The following ACSM2A variants were observed in gnomAD, a reference collection of about 807,000 sequenced individuals.
ACSM2A encodes acyl-coenzyme A synthetase ACSM2A, mitochondrial.
In ACSM2A, 72 loss-of-function variants were observed where a neutral mutation model predicts 76.6. The observed-to-expected ratio is 0.94, with a 90% CI of 0.78 to 1.14. The LOEUF (loss-of-function observed/expected upper bound fraction) is 1.14. Ranked by LOEUF, ACSM2A falls within the 50% of genes most tolerant of loss-of-function variation. The pLI is 0.00. For missense variants in ACSM2A, 684 were observed against 708.5 expected (o/e 0.97, Z 0.39); for synonymous variants, 249 against 255.9 (o/e 0.97, Z 0.26).
At chr16:20,464,251 C>T (rs543798345) in intron 2 of ACSM2A, among the ~76,000 whole-genome samples, 4 of 152,276 alleles carry the variant, frequency 2.6e-5, no homozygotes, top group Admixed American at 6.5e-5. Context: ...GACCTAGTTC[C>T]AGAGTTAGTT....
intron 12 of ACSM2A, 169 bp from the exon 13 acceptor site, chr16:20,482,889 T>A: frequency 9.0e-7 from 1 of 1,107,096 alleles, no homozygotes; most frequent in Non-Finnish European, 1.3e-6. Flanking sequence ...CAGAGAGAGC[T>A]GTAACCTCAT....
chr16:20,458,912 A>ATATATATATATATATG (rs2012411389), intron 1 of ACSM2A, among the ~76,000 whole-genome samples: 1 of 59,212 alleles, frequency 1.7e-5, no homozygotes, highest in South Asian at 6.8e-4. Flanking sequence ...ATGCATATAT[A>ATATATATATATATATG]TATATATATA....
rs1322174168 is a variant in ACSM2A at position 20,465,617 on chromosome 16, C to A, written c.278C>A (p.Ala93Glu). 6.2e-7 allele frequency: 1 copy of A among 1,613,896 alleles called. No homozygotes were observed. The highest frequency in any genetic ancestry group is 1.3e-5 in the African/African-American group (1 of 74,934). ...FRELSENSQQ[A>E]ANVLSGACGL... ...GAACTGAGTGAAAACAGCCAGCAGG[C>A]AGCCAACGTCCTCTCGGGAGCCTGT... The change falls in exon 3 of 14, where the codon GCA becomes GAA. Residue 93 changes from alanine to glutamate, a missense_variant. This residue lies in a region of ACSM2A where 519 missense variants were observed against 549.5 expected (regional missense o/e 0.94). Transcript: ENST00000573854.
intron 13 of ACSM2A, among the ~76,000 whole-genome samples, chr16:20,486,304 A>C (rs111382476): frequency 7.9e-5 from 12 of 152,378 alleles, no homozygotes; most frequent in African/African-American, 2.9e-4. Context: ...ACTGATGTCA[A>C]GGCTCAGCTG....
chr16:20,485,250 G>A (rs1185796292), intron 13 of ACSM2A, among the ~76,000 whole-genome samples: 2 of 152,128 alleles, frequency 1.3e-5, no homozygotes, highest in Non-Finnish European at 2.9e-5. Flanking sequence ...CTGAGTCAAG[G>A]AGTCCTACCA....
intron 1 of ACSM2A, chr16:20,452,429 C>G (rs1402442414): frequency 1.5e-5 from 2 of 135,258 alleles, no homozygotes; most frequent in Non-Finnish European, 3.1e-5. Context: ...CCTTGCACCT[C>G]AGCCTGCAGA....
rs189437499 is a variant in ACSM2A at position 20,452,794 on chromosome 16, G to A, written c.-9+1113G>A. Among the ~76,000 whole-genome samples, 1,126 of 150,846 alleles carry A rather than the reference G, an allele frequency of 7.5e-3. 14 individuals are homozygous for A. The highest frequency in any genetic ancestry group is 0.027 in the African/African-American group (1,091 of 40,936). On this transcript the variant is annotated intron_variant, in intron 1 of 13. Coordinates refer to ENST00000573854, the MANE Select transcript of ACSM2A (RefSeq NM_001308172.2). ...AATACTAAGGACTCTACTTCTAATA[G>A]TATGGAGAAGACTGATAGCCCTTGG...
intron 12 of ACSM2A, 152 bp from the exon 13 acceptor site, chr16:20,482,906 C>T: frequency 1.6e-6 from 2 of 1,275,442 alleles, no homozygotes; most frequent in Non-Finnish European, 2.1e-6. Context: ...TCATTCATGT[C>T]CCCAGTTTTC....
intron 13 of ACSM2A, among the ~76,000 whole-genome samples, chr16:20,484,752 G>C (rs1270338050): frequency 6.6e-6 from 1 of 152,082 alleles, no homozygotes; most frequent in Non-Finnish European, 1.5e-5. Flanking sequence ...AGGAAGGGAA[G>C]GGGGTCTTTA....
At chr16:20,483,569 C>CTAAAA (rs2014223379) in intron 13 of ACSM2A, among the ~76,000 whole-genome samples, 1 of 32,208 alleles carries the variant, frequency 3.1e-5, no homozygotes, top group Non-Finnish European at 6.0e-5. Context: ...GACTCTGTCT[C>CTAAAA]AAAAAAAAAA....
intron 13 of ACSM2A, among the ~76,000 whole-genome samples, chr16:20,485,924 T>C (rs541880401): frequency 1.4e-4 from 21 of 152,344 alleles, no homozygotes; most frequent in Non-Finnish European, 2.6e-4. Flanking sequence ...TTTGGGAATA[T>C]AAGAGATAGA....
chr16:20,483,366 T>C (rs1333141605), intron 13 of ACSM2A, among the ~76,000 whole-genome samples, 189 bp downstream of exon 13: 2 of 148,080 alleles, frequency 1.4e-5, no homozygotes, highest in Non-Finnish European at 3.0e-5. Flanking sequence ...GGTCAGGAGT[T>C]CAAGATCAGC....
chr16:20,475,798 G>A, intron 8 of ACSM2A, 25 bp downstream of exon 8: 3 of 1,610,708 alleles, frequency 1.9e-6, no homozygotes, highest in Non-Finnish European at 2.5e-6. Flanking sequence ...GGGAACCATG[G>A]GCTGTGTGCA....
At chr16:20,456,453 T>G (rs2141681522) in intron 1 of ACSM2A, among the ~76,000 whole-genome samples, 1 of 149,438 alleles carries the variant, frequency 6.7e-6, no homozygotes, top group South Asian at 2.2e-4. Context: ...TCAAGTACTC[T>G]CTCAGACCGC....
chr16:20,480,723 G>A (rs756043670), intron 11 of ACSM2A, 23 bp downstream of exon 11: 1 of 1,605,458 alleles, frequency 6.2e-7, no homozygotes, highest in Non-Finnish European at 8.5e-7. Flanking sequence ...TCTGGGTTGG[G>A]AAGGGAAATC....
intron 3 of ACSM2A, among the ~76,000 whole-genome samples, chr16:20,467,583 T>A (rs1343799376): frequency 6.6e-6 from 1 of 152,094 alleles, no homozygotes; most frequent in Non-Finnish European, 1.5e-5. Flanking sequence ...ATAACAGGGT[T>A]ATTCAAAGGA....
rs757620051 is a variant in ACSM2A at position 20,469,631 on chromosome 16, G to A, written c.508G>A (p.Val170Met). ...GDEVIQEVDTVASECPSLRIK... is the reference protein window; with the variant it reads ...GDEVIQEVDTMASECPSLRIK... ...TGAAGTCATCCAAGAAGTGGACACA[G>A]TGGCATCTGAATGTCCTTCTCTGAG... The change falls in exon 4 of 14, where the codon GTG becomes ATG. Residue 170 changes from valine (V) to methionine (M), a missense_variant. Transcript: ENST00000573854. The A allele has an allele frequency of 6.2e-7, 1 of 1,613,928 alleles. No individual in the cohort carries two copies. Among genetic ancestry groups the A allele is most frequent in the Non-Finnish European group, 8.5e-7 (1 of 1,179,834 alleles).
In ACSM2A at chr16:20,471,517, G is replaced by T; in HGVS notation, c.741-19G>T. 1 of 1,605,240 alleles carries T rather than the reference G, an allele frequency of 6.2e-7. No individual in the cohort carries two copies. On this transcript the variant is annotated intron_variant, in intron 5 of 13. Transcript: ENST00000573854. Reference sequence around the variant, plus strand: ...CATGCACCCACCTATATGTACATGTGTTTTGTCTGTGTTTTCAGTTGGACA... The same window carrying T: ...CATGCACCCACCTATATGTACATGTTTTTTGTCTGTGTTTTCAGTTGGACA...
intron 12 of ACSM2A, chr16:20,481,853 T>A (rs575280112): frequency 5.1e-5 from 6 of 117,504 alleles, no homozygotes; most frequent in African/African-American, 1.5e-4. Flanking sequence ...TGTACAAATA[T>A]TATGAAATGA....
Sources: allele counts gnomAD v4.1 joint callset (sites outside exome capture counted in the v4.1 genomes callset), GRCh38; gene constraint gnomAD v4.1.1; regional missense constraint gnomAD v4.1.1; transcripts MANE v1.5; gene names NCBI Gene and HGNC (gene_info 2026-07-23, HGNC 2026-07-21).